Variants in SUN5 observed in about 807,000 individuals in gnomAD.
The protein encoded by SUN5 is SUN domain-containing protein 5.
SUN5 carries 44 observed loss-of-function variants against 53.7 expected under a neutral mutation model. The observed-to-expected ratio is 0.82, with a 90% CI of 0.64 to 1.05. The LOEUF is 1.05. Ranked by LOEUF, SUN5 falls within the 50% of genes least tolerant of loss-of-function variation. SUN5 has a pLI of 0.00. For synonymous variants in SUN5, 166 were observed against 179.8 expected (o/e 0.92, Z 0.62); for missense variants, 433 against 483.8 (o/e 0.90, Z 0.98).
chr20:33,001,559 T>TTTCTTTCTTTCG (rs1568970932), intron 3 of SUN5, among the ~76,000 whole-genome samples: 1 of 138,330 alleles, frequency 7.2e-6, no homozygotes, highest in Non-Finnish European at 1.5e-5. Context: ...TCTTTCTTTC[T>TTTCTTTCTTTCG]TTCTTTTCTT....
intron 7 of SUN5, among the ~76,000 whole-genome samples, chr20:32,996,010 A>C (rs1989837016): frequency 6.6e-6 from 1 of 152,048 alleles, no homozygotes; most frequent in African/African-American, 2.4e-5. Flanking sequence ...CTTGGTTAAA[A>C]TTTCTTCTCA....
intron 10 of SUN5, among the ~76,000 whole-genome samples, chr20:32,986,537 G>A (rs1989544355): frequency 1.3e-5 from 2 of 152,294 alleles, no homozygotes; most frequent in South Asian, 2.1e-4. Flanking sequence ...CTAGCCCAGG[G>A]GTGCAGGGGG....
chr20:32,999,149 G>C (rs1004536531), intron 5 of SUN5, among the ~76,000 whole-genome samples: 2 of 152,244 alleles, frequency 1.3e-5, no homozygotes, highest in African/African-American at 4.8e-5. Flanking sequence ...CCAAGGTTAG[G>C]TGTCTTGCCT....
intron 5 of SUN5, chr20:32,999,786 G>A (rs1166383391): frequency 1.2e-6 from 1 of 844,422 alleles, no homozygotes; most frequent in Non-Finnish European, 1.8e-6. Context: ...AAGCTGTGTT[G>A]TGCGAGGTGG....
At chr20:32,997,465 A>G (rs1271924443) in intron 6 of SUN5, among the ~76,000 whole-genome samples, 173 bp downstream of exon 6, 1 of 152,000 alleles carries the variant, frequency 6.6e-6, no homozygotes, top group Non-Finnish European at 1.5e-5. Flanking sequence ...CACCTCTGGC[A>G]GAGAGATGGG....
intron 8 of SUN5, among the ~76,000 whole-genome samples, chr20:32,993,458 A>C (rs1405661107): frequency 6.6e-6 from 1 of 152,260 alleles, no homozygotes; most frequent in African/African-American, 2.4e-5. Context: ...AGAAGGAAGC[A>C]AAGTTCTTAA....
chr20:33,003,865 T>A (rs933164496), intron 1 of SUN5, among the ~76,000 whole-genome samples: 3 of 152,204 alleles, frequency 2.0e-5, no homozygotes, highest in African/African-American at 7.2e-5. Flanking sequence ...GAGATAGGCA[T>A]CATTTTAAGT....
intron 8 of SUN5, among the ~76,000 whole-genome samples, chr20:32,993,323 C>T (rs1029348512): frequency 2.0e-5 from 3 of 152,200 alleles, no homozygotes; most frequent in Admixed American, 6.5e-5. Context: ...AGCAGAAAAC[C>T]ATTCTGAGAT....
At chr20:33,001,530 C>CTT (rs1555876504) in intron 3 of SUN5, among the ~76,000 whole-genome samples, 2 of 128,192 alleles carry the variant, frequency 1.6e-5, no homozygotes, top group Non-Finnish European at 3.2e-5. Context: ...TTCTTTCTTT[C>CTT]TTTCTTTCTT....
intron 1 of SUN5, among the ~76,000 whole-genome samples, chr20:33,003,189 T>C (rs1327852228): frequency 1.3e-5 from 2 of 152,286 alleles, no homozygotes; most frequent in East Asian, 3.9e-4. Context: ...CTTTGTCTGC[T>C]CCTACCCAAT....
rs754659598 is a variant in SUN5, at chr20:32,985,773, C to A, written c.860G>T (p.Gly287Val). Reference sequence around the variant, plus strand: ...GTCCTTGGGGGCGGTGTCCAGGCTGCCTGACAATGAGATGGTCTTGGGGAT... The same window carrying A: ...GTCCTTGGGGGCGGTGTCCAGGCTGACTGACAATGAGATGGTCTTGGGGAT... ...QHIPKTISLSGSLDTAPKDFV... is the reference protein window; with the variant it reads ...QHIPKTISLSVSLDTAPKDFV... The change falls in exon 11 of 13, where the codon GGC (glycine) becomes GTC (valine). Residue 287 changes from glycine (G) to valine (V), a missense_variant. Transcript: ENST00000356173. The A allele has an allele frequency of 2.5e-6, 4 of 1,614,086 alleles. No individual in the cohort carries two copies. Among genetic ancestry groups the A allele is most frequent in the Non-Finnish European group, 3.4e-6 (4 of 1,179,968 alleles).
intron 1 of SUN5, 99 bp from the exon 2 acceptor site, chr20:33,003,018 A>C: frequency 7.1e-7 from 1 of 1,404,866 alleles, no homozygotes; most frequent in South Asian, 1.3e-5. Context: ...ACTGAGGTAC[A>C]GAGAAGGTTT....
At chr20:32,989,071 G>T (rs1039203919) in intron 9 of SUN5, among the ~76,000 whole-genome samples, 1 of 152,008 alleles carries the variant, frequency 6.6e-6, no homozygotes, top group Non-Finnish European at 1.5e-5. Context: ...GACTACAGGC[G>T]CCCACCACCA....
chr20:32,999,720 A>C, intron 5 of SUN5: 6 of 519,602 alleles, frequency 1.2e-5, no homozygotes, highest in East Asian at 3.8e-5. Flanking sequence ...CCCAGCCTCC[A>C]CTCCAAAGCC....
rs187143967 is a variant in SUN5, at chr20:33,001,420, C to T, written c.212-142G>A. Reference sequence around the variant, plus strand: ...TTGTTGGCCGAGCCTGGGACAGAACCAGGCTCTGCTTATGGGTACGCACTA... The same window carrying T: ...TTGTTGGCCGAGCCTGGGACAGAACTAGGCTCTGCTTATGGGTACGCACTA... On this transcript the variant is annotated intron_variant, in intron 3 of 12. Coordinates refer to ENST00000356173, the MANE Select transcript of SUN5 (RefSeq NM_080675.4). 301 of 893,920 alleles carry T rather than the reference C, an allele frequency of 3.4e-4. 2 individuals carry two copies. The highest frequency in any genetic ancestry group is 2.3e-4 in the Non-Finnish European group (129 of 572,782). The allele number at this position is 893,920 out of a possible 1,614,324, so 55.4% of individuals were successfully genotyped here.
intron 7 of SUN5, 41 bp downstream of exon 7, chr20:32,996,283 T>C: frequency 6.2e-7 from 1 of 1,606,862 alleles, no homozygotes; most frequent in Non-Finnish European, 8.5e-7. Context: ...ATAGCTCTGC[T>C]TTTTAGGTAA....
In SUN5 at chr20:32,995,633, C is replaced by A; in HGVS notation, c.520G>T (p.Ala174Ser). ...QLIAKLQEME[A>S]MSDEQKMAQK... ...CAGCGTCTCACCTCATCGGACATGG[C>A]TTCCATCTCCTGGAGCTTGGCAATG... Residue 174 changes from alanine (A) to serine (S), a missense_variant, in exon 8 of 13, where the codon GCC (alanine) becomes TCC (serine). Physicochemically the swap from Ala to Ser is moderately conservative, Grantham distance 99. Coordinates refer to ENST00000356173, the MANE Select transcript of SUN5 (RefSeq NM_080675.4). The A allele has an allele frequency of 6.2e-7, 1 of 1,614,070 alleles. No individual in the cohort carries two copies. The highest frequency in any genetic ancestry group is 8.5e-7 in the Non-Finnish European group (1 of 1,179,956).
chr20:33,000,962 C>T (rs1989988755), intron 4 of SUN5, among the ~76,000 whole-genome samples: 1 of 151,842 alleles, frequency 6.6e-6, no homozygotes, highest in Admixed American at 6.6e-5. Context: ...GGGTCCCTGG[C>T]AGGAAGCCAA....
At chr20:32,989,514 A>G in intron 9 of SUN5, 106 bp downstream of exon 9, 1 of 880,638 alleles carries the variant, frequency 1.1e-6, no homozygotes, top group Non-Finnish European at 1.8e-6. Flanking sequence ...CAGAGGATGA[A>G]CTTCCCAGCG....
Sources: allele counts gnomAD v4.1 joint callset (sites outside exome capture counted in the v4.1 genomes callset), GRCh38; gene constraint gnomAD v4.1.1; transcripts MANE v1.5; gene names NCBI Gene and HGNC (gene_info 2026-07-23, HGNC 2026-07-21).